Variants in IFT81 observed in about 807,000 individuals in gnomAD.
IFT81 encodes intraflagellar transport 81.
Under a neutral mutation model 102.6 loss-of-function variants are expected in IFT81, and 72 were observed. The ratio of observed to expected loss-of-function variants is 0.70; its 90% CI spans 0.58 to 0.85. IFT81 has a LOEUF of 0.85. IFT81 is among the 40% of genes least tolerant of loss of function. IFT81 has a pLI of 0.00. For missense variants in IFT81, 723 were observed against 787.3 expected, an observed-to-expected ratio of 0.92 and a Z score of 0.98; for synonymous variants, 237 against 242.7, an observed-to-expected ratio of 0.98 and a Z score of 0.22.
At chr12:110,207,191 T>G (rs902597388) in intron 17 of IFT81, among the ~76,000 whole-genome samples, 10 of 152,052 alleles carry the variant, frequency 6.6e-5, no homozygotes, top group Admixed American at 3.9e-4. Context: ...CCACTGTGTT[T>G]GGCTAATTTT....
At chr12:110,205,356 A>C (rs755263002) in intron 15 of IFT81, 87 bp from the exon 16 acceptor site, 124 of 1,384,338 alleles carry the variant, frequency 9.0e-5, no homozygotes, top group Non-Finnish European at 1.1e-4. Flanking sequence ...CTCTGATGGT[A>C]GTCCTTTGTT....
intron 12 of IFT81, among the ~76,000 whole-genome samples, chr12:110,182,174 G>C (rs1443787686): frequency 2.0e-5 from 3 of 152,148 alleles, no homozygotes; most frequent in Admixed American, 6.6e-5. Flanking sequence ...TCTGAGTGGG[G>C]CACCAGCAAC....
chr12:110,172,402 C>T (rs1896782917), intron 11 of IFT81, among the ~76,000 whole-genome samples: 1 of 150,652 alleles, frequency 6.6e-6, no homozygotes. Context: ...CGGTCTCCCT[C>T]TCCCTCTCTT....
Position 110,124,612 on chromosome 12 carries a change from G to C in IFT81, c.-271G>C, listed in dbSNP as rs1230024539. On this transcript the variant is annotated 5_prime_UTR_variant, in exon 1 of 19. Transcript: ENST00000242591. ...TCTGGGATTCGAGCGGATCCAGGCCGCTCCCTGGAGGGATGAACTGTCGAG... is the reference window on the plus strand; with the variant it reads ...TCTGGGATTCGAGCGGATCCAGGCCCCTCCCTGGAGGGATGAACTGTCGAG... 6.6e-6 allele frequency: 1 copy of C among 152,266 alleles called. No homozygotes were observed. The highest frequency in any genetic ancestry group is 2.4e-5 in the African/African-American group (1 of 41,448). 9.4% of individuals were successfully genotyped at this position (152,266 alleles called of 1,614,324 possible).
chr12:110,144,352 G>A (rs1023637016), intron 9 of IFT81, among the ~76,000 whole-genome samples: 4 of 151,968 alleles, frequency 2.6e-5, no homozygotes, highest in Non-Finnish European at 5.9e-5. Context: ...GAGTAGCTGG[G>A]ATTACAGGCA....
In IFT81 at chr12:110,180,505, A is replaced by G; in HGVS notation, c.1272A>G (p.Glu424=). Residue 424 remains glutamate (E), a synonymous_variant, in exon 12 of 19, where the codon GAA becomes GAG. Coordinates refer to ENST00000242591, the MANE Select transcript of IFT81 (RefSeq NM_014055.4). ...AGATAATAGCTGAACTTAAAGCTGA[A>G]TTCGGTCTTTTGCAGAGGACTGAAG... is the stretch of plus-strand genomic sequence containing the variant. ...KHQIIAELKA[E]FGLLQRTEEL... The G allele has an allele frequency of 6.2e-7, 1 of 1,611,502 alleles. No homozygotes were observed. Among genetic ancestry groups the G allele is most frequent in the Non-Finnish European group, 8.5e-7 (1 of 1,178,082 alleles).
At chr12:110,162,851 T>C in intron 10 of IFT81, 68 bp from the exon 11 acceptor site, 1 of 1,355,664 alleles carries the variant, frequency 7.4e-7, no homozygotes, top group Non-Finnish European at 1.0e-6. Flanking sequence ...AAAAAATAGA[T>C]AATTTCACAA....
intron 18 of IFT81, among the ~76,000 whole-genome samples, chr12:110,214,877 G>A (rs1044271924): frequency 2.6e-5 from 4 of 152,176 alleles, no homozygotes; most frequent in African/African-American, 9.6e-5. Flanking sequence ...AAAATTCTTG[G>A]TCTGCCTTAA....
intron 7 of IFT81, among the ~76,000 whole-genome samples, 153 bp from the exon 8 acceptor site, chr12:110,136,623 T>C (rs1312952312): frequency 6.6e-6 from 1 of 152,242 alleles, no homozygotes; most frequent in Admixed American, 6.5e-5. Flanking sequence ...ACCAGTTACA[T>C]TTTGGGTTTA....
intron 10 of IFT81, among the ~76,000 whole-genome samples, chr12:110,149,070 A>G (rs186770423): frequency 4.6e-5 from 7 of 152,312 alleles, no homozygotes; most frequent in Admixed American, 3.9e-4. Context: ...AGGCTTTTCA[A>G]GTTAACTTTT....
rs775681854 is a variant in IFT81 at position 110,136,775 on chromosome 12, G to A, written c.697-1G>A. On this transcript the variant is annotated splice_acceptor_variant, in intron 7 of 18. Transcript: ENST00000242591. LOFTEE classifies it high-confidence loss of function. ...GTAATCTATTTAATTGTATTTTAAA[G>A]CTATTTCATGCAGTGCAAAGATTGC... 1 of 1,593,098 alleles carries A rather than the reference G, an allele frequency of 6.3e-7. No individual in the cohort carries two copies. The highest frequency in any genetic ancestry group is 8.6e-7 in the Non-Finnish European group (1 of 1,164,210).
chr12:110,139,394 G>T (rs1423462374), intron 8 of IFT81, among the ~76,000 whole-genome samples: 6 of 150,956 alleles, frequency 4.0e-5, no homozygotes, highest in Non-Finnish European at 8.9e-5. Flanking sequence ...CATGTATTTG[G>T]TATGGTTCAG....
At chr12:110,217,912 A>G (rs1017294559) in intron 18 of IFT81, 132 bp from the exon 19 acceptor site, 6 of 642,310 alleles carry the variant, frequency 9.3e-6, no homozygotes, top group Admixed American at 3.2e-5. Context: ...GTTTTGGTAC[A>G]TTATAGAGTA....
intron 12 of IFT81, among the ~76,000 whole-genome samples, chr12:110,185,990 CTTCATCATTGTTCTTCTA>C (rs1447847802): frequency 2.6e-5 from 4 of 152,040 alleles, no homozygotes; most frequent in Admixed American, 6.6e-5. Flanking sequence ...TCTTTTCTTC[CTTCATCATTGTTCTTCTA>C]TTGGTATCTG....
intron 8 of IFT81, among the ~76,000 whole-genome samples, chr12:110,141,870 C>T (rs1278526669): frequency 1.3e-5 from 2 of 152,002 alleles, no homozygotes; most frequent in Non-Finnish European, 2.9e-5. Context: ...AGTGACAGAG[C>T]AAGATTTCAT....
intron 10 of IFT81, among the ~76,000 whole-genome samples, chr12:110,154,787 T>C (rs556371287): frequency 6.6e-6 from 1 of 152,308 alleles, no homozygotes. Context: ...TTAAAATCTA[T>C]TGAAACTTTT....
Position 110,191,020 on chromosome 12 carries a change from G to T in IFT81, c.1439G>T (p.Gly480Val). 1 of 1,609,216 alleles carries T rather than the reference G, an allele frequency of 6.2e-7. No homozygotes were observed. Reference sequence around the variant, plus strand: ...AAGAGTGAAGTTGATGAAATGAAAGGACGAACATTGGATGATATGTCTGAA... The same window carrying T: ...AAGAGTGAAGTTGATGAAATGAAAGTACGAACATTGGATGATATGTCTGAA... ...ALKSEVDEMK[G>V]RTLDDMSEMV... The change falls in exon 13 of 19, where the codon GGA becomes GTA. Residue 480 changes from glycine (G) to valine (V), a missense_variant. Coordinates refer to ENST00000242591, the MANE Select transcript of IFT81 (RefSeq NM_014055.4).
intron 8 of IFT81, among the ~76,000 whole-genome samples, chr12:110,139,897 A>T (rs1894781282): frequency 6.8e-6 from 1 of 147,246 alleles, no homozygotes; most frequent in Non-Finnish European, 1.5e-5. Flanking sequence ...ATAAAATAAA[A>T]TAAAATAAAA....
chr12:110,125,489 G>A (rs923454091), intron 1 of IFT81, among the ~76,000 whole-genome samples: 1 of 152,118 alleles, frequency 6.6e-6, no homozygotes, highest in African/African-American at 2.4e-5. Flanking sequence ...CCGCCTCCCG[G>A]GTTCAAGCAA....
Sources: gnomAD v4.1 joint callset for allele counts (sites outside exome capture counted in the v4.1 genomes callset) on GRCh38, gnomAD v4.1.1 for gene constraint, MANE v1.5 for transcripts, NCBI Gene and HGNC (gene_info 2026-07-23, HGNC 2026-07-21) for gene names.